The following GPR35 variants were observed in gnomAD, a reference collection of about 807,000 sequenced individuals.
GPR35 encodes KYNA receptor.
For missense variants in GPR35, 372 were observed against 422.5 expected (o/e 0.88, Z 1.05); for synonymous variants, 207 against 198.4 (o/e 1.04, Z -0.36).
upstream of GPR35, among the ~76,000 whole-genome samples, chr2:240,624,229 A>G (rs188937650): frequency 9.7e-3 from 534 of 54,788 alleles, 2 homozygotes; most frequent in Non-Finnish European, 0.026. Flanking sequence ...TGAGGGATGG[A>G]TGAAATCCCA....
chr2:240,605,884 G>A (rs1468991262), intron 1 of GPR35, among the ~76,000 whole-genome samples: 1 of 152,190 alleles, frequency 6.6e-6, no homozygotes, highest in African/African-American at 2.4e-5. Flanking sequence ...TGATCCCAAC[G>A]TGAAGCCCTG....
In GPR35 at chr2:240,614,132, T is replaced by TAACCCTAGCCAA. The variant is rs1365209358; in HGVS notation, c.-576-2246_-576-2235dup. ...CTAACCCTAAGCCTAACCCTAACAC[T>TAACCCTAGCCAA]AACCCTAGCCAAAACCCTAGCACTA... On this transcript the variant is annotated intron_variant, in intron 2 of 5. Coordinates refer to the GPR35 transcript ENST00000319838. 2.6e-5 allele frequency among the ~76,000 whole-genome samples: 4 copies of TAACCCTAGCCAA among 151,802 alleles called. No homozygotes were observed. In the East Asian group the frequency reaches 5.8e-4, roughly 22 times the overall value.
intron 1 of GPR35, among the ~76,000 whole-genome samples, chr2:240,626,424 G>C (rs2043379266): frequency 6.6e-6 from 1 of 151,488 alleles, no homozygotes. Flanking sequence ...TGGGGTCTCA[G>C]AGTGGGGTGA....
upstream of GPR35, among the ~76,000 whole-genome samples, chr2:240,622,053 T>TA (rs59964492): frequency 7.4e-3 from 1,126 of 151,652 alleles, 17 homozygotes; most frequent in African/African-American, 0.026. Flanking sequence ...TTTTTTTTTT[T>TA]ACTTTTTGTA....
chr2:240,614,235 A>T (rs2125477246), intron 2 of GPR35, among the ~76,000 whole-genome samples: 1 of 151,472 alleles, frequency 6.6e-6, no homozygotes, highest in South Asian at 2.1e-4. Context: ...CTGAACCCTA[A>T]CCCTAAGCCT....
At chr2:240,613,316 G>A (rs2043204525) in intron 2 of GPR35, among the ~76,000 whole-genome samples, 1 of 152,150 alleles carries the variant, frequency 6.6e-6, no homozygotes, top group Non-Finnish European at 1.5e-5. Context: ...CTATGAGGGT[G>A]GAGAGGGGAG....
intron 2 of GPR35, chr2:240,607,636 T>C (rs1209818234): frequency 6.6e-6 from 1 of 152,242 alleles, no homozygotes; most frequent in East Asian, 1.9e-4. Context: ...AATTGTTTTT[T>C]GCTAGTATAT....
At position 240,631,141 on chromosome 2, in the gene GPR35, AC is replaced by A; in HGVS notation, c.*264del. 1.9e-6 allele frequency: 1 copy of A among 525,034 alleles called. No individual in the cohort carries two copies. The highest frequency in any genetic ancestry group is 3.2e-5 in the East Asian group (1 of 31,190). The allele number at this position is 525,034 out of a possible 1,614,324, so 32.5% of individuals were successfully genotyped here. A position where few individuals can be genotyped will look rare whatever the true frequency, so the allele number is the denominator to read the frequency against. On this transcript the variant is annotated 3_prime_UTR_variant, in exon 2 of 2. Coordinates refer to ENST00000407714, the MANE Select transcript of GPR35 (RefSeq NM_005301.5). Reference sequence around the variant, plus strand: ...CCCGGGATGGGGCCTCACACTTGCCACCCCCAGAACCAGCTCACCTGGCCAG... The same window carrying A: ...CCCGGGATGGGGCCTCACACTTGCCACCCCAGAACCAGCTCACCTGGCCAG...
In GPR35 at chr2:240,631,010, C is replaced by G. The variant is rs2043441615; in HGVS notation, c.*128C>G. 1.3e-6 allele frequency: 1 copy of G among 791,130 alleles called. No individual in the cohort carries two copies. Among genetic ancestry groups the G allele is most frequent in the Non-Finnish European group, 2.1e-6 (1 of 487,022 alleles). 49.0% of individuals were successfully genotyped at this position (791,130 alleles called of 1,614,324 possible). A position where few individuals can be genotyped will look rare whatever the true frequency, so the allele number is the denominator to read the frequency against. On this transcript the variant is annotated 3_prime_UTR_variant, in exon 2 of 2. Transcript: ENST00000407714. ...GAACTCACTGTGTATTCTCTTGGAG[C>G]CTTGGGTGGGCAGGGACGGCCCAGG...
chr2:240,632,860 A>G lies in GPR35; in HGVS notation c.*1978A>G, dbSNP rs555719159. 4.4e-4 allele frequency among the ~76,000 whole-genome samples: 67 copies of G among 152,338 alleles called. No homozygotes were observed. Among genetic ancestry groups the G allele is most frequent in the African/African-American group, 1.5e-3 (63 of 41,580 alleles). On this transcript the variant is annotated 3_prime_UTR_variant, in exon 2 of 2. Transcript: ENST00000407714. ...TGGTTAGGCTTTGTGTCTCCACCCA[A>G]ATCTCATCTTGAATTGTAATCCCTA... is the stretch of plus-strand genomic sequence containing the variant.
At chr2:240,613,429 A>G (rs1357706648) in intron 2 of GPR35, among the ~76,000 whole-genome samples, 1 of 152,132 alleles carries the variant, frequency 6.6e-6, no homozygotes, top group African/African-American at 2.4e-5. Context: ...CAAGTAAACC[A>G]TAATGAACCA....
exon 1 of GPR35, chr2:240,605,554 G>C (rs1208760369): frequency 2.0e-5 from 3 of 152,400 alleles, no homozygotes; most frequent in Non-Finnish European, 4.4e-5. Context: ...AGCCTTGGGG[G>C]CAGCAGAGCT....
rs1487360004 is a variant in GPR35, at chr2:240,631,099, G to A, written c.*217G>A. The A allele has an allele frequency of 3.4e-6, 2 of 593,830 alleles. No individual in the cohort carries two copies. Among genetic ancestry groups the A allele is most frequent in the Non-Finnish European group, 6.1e-6 (2 of 325,642 alleles). The allele number at this position is 593,830 out of a possible 1,614,324, so 36.8% of individuals were successfully genotyped here. A position where few individuals can be genotyped will look rare whatever the true frequency, so the allele number is the denominator to read the frequency against. On this transcript the variant is annotated 3_prime_UTR_variant, in exon 2 of 2. Coordinates refer to ENST00000407714, the MANE Select transcript of GPR35 (RefSeq NM_005301.5). ...GGCAAGAGGACTGAGGCCAGAGCAA[G>A]GCCAATGTCAGAGACCCCCGGGATG... is the stretch of plus-strand genomic sequence containing the variant.
chr2:240,626,016 T>A (rs1167915381), intron 1 of GPR35, among the ~76,000 whole-genome samples: 1 of 10,142 alleles, frequency 9.9e-5, no homozygotes, highest in African/African-American at 3.6e-4. Context: ...GGTCTCAGAG[T>A]GGGGTGAGGC....
chr2:240,616,277 C>T (rs951306292), intron 2 of GPR35: 25 of 642,842 alleles, frequency 3.9e-5, no homozygotes, highest in Middle Eastern at 4.5e-4. Flanking sequence ...GTCCCAACCT[C>T]GACAGCAGTG....
chr2:240,622,868 A>T (rs1034177639), upstream of GPR35, among the ~76,000 whole-genome samples: 2 of 152,226 alleles, frequency 1.3e-5, no homozygotes, highest in Admixed American at 6.5e-5. Flanking sequence ...GGCCCCGGGC[A>T]GTGCCCCCGT....
At chr2:240,620,334 C>A (rs1436304144) in intron 5 of GPR35, among the ~76,000 whole-genome samples, 1 of 152,142 alleles carries the variant, frequency 6.6e-6, no homozygotes, top group Non-Finnish European at 1.5e-5. Context: ...GATGCCTCGA[C>A]ACCCCATAGG....
upstream of GPR35, among the ~76,000 whole-genome samples, chr2:240,624,118 C>T (rs536379402): frequency 8.5e-5 from 13 of 152,254 alleles, no homozygotes; most frequent in South Asian, 1.9e-3. Flanking sequence ...TGGGAGATGC[C>T]GTGCCCTGCA....
At chr2:240,626,998 A>G (rs2043385954) in intron 1 of GPR35, among the ~76,000 whole-genome samples, 1 of 152,154 alleles carries the variant, frequency 6.6e-6, no homozygotes, top group Non-Finnish European at 1.5e-5. Context: ...TGACCTTGTC[A>G]TCAGAAGGGG....
Sources: allele counts gnomAD v4.1 joint callset (sites outside exome capture counted in the v4.1 genomes callset), GRCh38; gene constraint gnomAD v4.1.1; transcripts MANE v1.5; gene names NCBI Gene and HGNC (gene_info 2026-07-23, HGNC 2026-07-21).